GBA2: variants seen among roughly 807,000 people sequenced by gnomAD.
The protein encoded by GBA2 is glucosylceramidase beta 2, also known as non-lysosomal glucosylceramidase.
GBA2 carries 79 observed loss-of-function variants against 112.9 expected under a neutral mutation model. That is an observed-to-expected ratio of 0.70 (90% confidence interval 0.58 to 0.84). The LOEUF (loss-of-function observed/expected upper bound fraction) is 0.84, where lower values mean the gene tolerates loss of function less well. Ranked by LOEUF, GBA2 falls within the 40% of genes least tolerant of loss-of-function variation. GBA2 has a pLI of 0.00. For missense variants in GBA2, 1,043 were observed against 1,190.0 expected (o/e 0.88, Z 1.82); for synonymous variants, 403 against 434.3 (o/e 0.93, Z 0.90).
Position 35,740,338 on chromosome 9 carries a change from C to T in GBA2, c.1154G>A (p.Gly385Glu). ...ACACACAGCTCCAGCAATGCCTACT[C>T]CTTTCTGCGTAGGGGTGCTTTGGCC... is the stretch of plus-strand genomic sequence containing the variant. Reference protein sequence around the residue: ...PTGQSTPTQKGVGIAGAVCVS... With the variant: ...PTGQSTPTQKEVGIAGAVCVS... Residue 385 changes from glycine (G) to glutamate (E), a missense_variant, in exon 7 of 17, where the codon GGA becomes GAA. By Grantham distance (98) the Gly-to-Glu change is moderately conservative. Coordinates refer to ENST00000378103, the MANE Select transcript of GBA2 (RefSeq NM_020944.3). The surrounding 1 kb of genome is among the most constrained non-coding windows in gnomAD (Gnocchi z 4.7). The T allele has an allele frequency of 1.9e-6, 3 of 1,613,672 alleles. No homozygotes were observed. Among genetic ancestry groups the T allele is most frequent in the Non-Finnish European group, 1.7e-6 (2 of 1,179,990 alleles).
chr9:35,741,925 C>G lies in GBA2; in HGVS notation c.568-35G>C, dbSNP rs768518967. 7.2e-7 allele frequency: 1 copy of G among 1,381,936 alleles called. No homozygotes were observed. The highest frequency in any genetic ancestry group is 1.2e-5 in the South Asian group (1 of 86,036). 85.6% of individuals were successfully genotyped at this position (1,381,936 alleles called of 1,614,324 possible). The stretch of plus-strand genomic sequence containing the variant: ...GCAGATAGGCTGGAACGGGGTAAAC[C>G]ACAGGGACCACAGACTAAGTCTTCC... On this transcript the variant is annotated intron_variant, in intron 3 of 16. Coordinates refer to ENST00000378103, the MANE Select transcript of GBA2 (RefSeq NM_020944.3). This position sits in a 1 kb window ranked among gnomAD's most constrained non-coding sequence, Gnocchi z 4.6.
chr9:35,748,336 G>A lies in GBA2; in HGVS notation c.359+10C>T, dbSNP rs1827098916. The A allele has an allele frequency of 6.6e-7, 1 of 1,518,424 alleles. No individual in the cohort carries two copies. The highest frequency in any genetic ancestry group is 1.4e-5 in the African/African-American group (1 of 72,520). The allele number at this position is 1,518,424 out of a possible 1,614,324, so 94.1% of individuals were successfully genotyped here. A position where few individuals can be genotyped will look rare whatever the true frequency, so the allele number is the denominator to read the frequency against. ...AGCCAAAGGCATTCTAGGCAATGGG[G>A]TCTACTCACCTCAAGCCCATGCCTA... is the stretch of plus-strand genomic sequence containing the variant. On this transcript the variant is annotated intron_variant, in intron 1 of 16. Coordinates refer to ENST00000378103, the MANE Select transcript of GBA2 (RefSeq NM_020944.3).
rs747345187 is a variant in GBA2 at position 35,740,013 on chromosome 9, G to A, written c.1394C>T (p.Pro465Leu). Reference protein sequence around the residue: ...WEERISAWQSPVLDDRSLPAW... With the variant: ...WEERISAWQSLVLDDRSLPAW... ...CCACTGGCACCTGTCATCCAATACC[G>A]GGCTCTGCCAAGCTGAGATCCTCTC... The change falls in exon 8 of 17, where the codon CCG (proline) becomes CTG (leucine). Residue 465 changes from proline to leucine, a missense_variant. By Grantham distance (98) the Pro-to-Leu change is moderately conservative (BLOSUM62 -3). Transcript: ENST00000378103. This position sits in a 1 kb window ranked among gnomAD's most constrained non-coding sequence, Gnocchi z 4.7. 1.5e-5 allele frequency: 25 copies of A among 1,613,884 alleles called. No individual in the cohort carries two copies. Among genetic ancestry groups the A allele is most frequent in the South Asian group, 5.5e-5 (5 of 91,080 alleles).
chr9:35,748,714 G>A lies in GBA2; in HGVS notation c.-10C>T. The A allele has an allele frequency of 6.7e-7, 1 of 1,503,716 alleles. No homozygotes were observed. The highest frequency in any genetic ancestry group is 9.0e-7 in the Non-Finnish European group (1 of 1,110,434). 93.1% of individuals were successfully genotyped at this position (1,503,716 alleles called of 1,614,324 possible). A position where few individuals can be genotyped will look rare whatever the true frequency, so the allele number is the denominator to read the frequency against. ...GATCCTGGGTCCCCATGACCTCGAT[G>A]GCGCCAAGTCCCGAGCCCTCGGATA... On this transcript the variant is annotated 5_prime_UTR_variant, in exon 1 of 17. Coordinates refer to ENST00000378103, the MANE Select transcript of GBA2 (RefSeq NM_020944.3).
intron 3 of GBA2, 199 bp from the exon 4 acceptor site, chr9:35,742,089 C>T (rs942106030): frequency 8.1e-6 from 5 of 615,484 alleles, no homozygotes; most frequent in Non-Finnish European, 1.5e-5. Context: ...GCTTTCTCTC[C>T]CTTCTCCACT....
rs1284210196 is a variant in GBA2 at position 35,740,407 on chromosome 9, C to G, written c.1130-45G>C. ...ATTCAGGACAGGAGCCCCTTCAGCC[C>G]CAGGGATAGGGATCCCTAACATGGA... is the stretch of plus-strand genomic sequence containing the variant. On this transcript the variant is annotated intron_variant, in intron 6 of 16. Transcript: ENST00000378103. The surrounding 1 kb of genome is among the most constrained non-coding windows in gnomAD (Gnocchi z 4.7). The G allele has an allele frequency of 6.2e-7, 1 of 1,604,384 alleles. No homozygotes were observed. The highest frequency in any genetic ancestry group is 1.1e-5 in the South Asian group (1 of 90,616).
chr9:35,737,289 T>C lies in GBA2; in HGVS notation c.2664A>G (p.Leu888=), dbSNP rs1826261780. ...MRPLSIWAMQ[L]ALQQQQHKKA... The stretch of plus-strand genomic sequence containing the variant: ...TTTTGTGCTGCTGCTGTTGCAGGGC[T>C]AGCTGCATGGCCCATATGCTCAGTG... Residue 888 remains leucine, a synonymous_variant, in exon 17 of 17, where the codon CTA becomes CTG. Transcript: ENST00000378103. This position sits in a 1 kb window ranked among gnomAD's most constrained non-coding sequence, Gnocchi z 4.1. 1 of 1,613,898 alleles carries C rather than the reference T, an allele frequency of 6.2e-7. No homozygotes were observed. Among genetic ancestry groups the C allele is most frequent in the African/African-American group, 1.3e-5 (1 of 74,952 alleles).
In GBA2 at chr9:35,738,304, G is replaced by A. The variant is rs1199145364; in HGVS notation, c.2125C>T (p.Gln709Ter). The change falls in exon 14 of 17, where the codon CAG (glutamine) becomes TAG (stop). Residue 709 changes from glutamine to a stop codon, truncating the protein, a stop_gained. Coordinates refer to ENST00000378103, the MANE Select transcript of GBA2 (RefSeq NM_020944.3). LOFTEE classifies it high-confidence loss of function. ...GAAGAAAACTTATCCTGGATGTCCT[G>A]TGCCCCACACAGAGCAGCCATCTGG... ...MVQMAALCGA[Q>*]DIQDKFSSIL... is the part of the protein sequence containing the mutation. The A allele has an allele frequency of 1.9e-6, 3 of 1,614,090 alleles. No homozygotes were observed. Among genetic ancestry groups the A allele is most frequent in the Admixed American group, 1.7e-5 (1 of 60,022 alleles).
rs755182103 is a variant in GBA2, at chr9:35,738,856, C to A, written c.1843G>T (p.Ala615Ser). The change falls in exon 12 of 17, where the codon GCT (alanine) becomes TCT (serine). Residue 615 changes from alanine (A) to serine (S), a missense_variant. Coordinates refer to ENST00000378103, the MANE Select transcript of GBA2 (RefSeq NM_020944.3). ...TTCAGGTTCAGGTCCTTCCAATCAG[C>A]AGTATCATGGATTAAATATGCATTG... ...RVNAYLIHDT[A>S]DWKDLNLKFV... 4.3e-6 allele frequency: 7 copies of A among 1,613,818 alleles called. No homozygotes were observed. The South Asian group carries it at 6.6e-5, about 15-fold the overall frequency.
Position 35,738,144 on chromosome 9 carries a change from A to G in GBA2, c.2206T>C (p.Tyr736His). Residue 736 changes from tyrosine (Y) to histidine (H), a missense_variant, in exon 15 of 17, where the codon TAC becomes CAC. Transcript: ENST00000378103. Reference sequence around the variant, plus strand: ...GGCCGAGAGCTGCTGTCATAGTTGTAATAGCGGCCTGGAGTCGAGGAAGAG... The same window carrying G: ...GGCCGAGAGCTGCTGTCATAGTTGTGATAGCGGCCTGGAGTCGAGGAAGAG... ...YERLLWNGRY[Y>H]NYDSSSRPQS... 3 of 1,613,796 alleles carry G rather than the reference A, an allele frequency of 1.9e-6. No individual in the cohort carries two copies. The highest frequency in any genetic ancestry group is 2.5e-6 in the Non-Finnish European group (3 of 1,179,662).
Position 35,741,735 on chromosome 9 carries a change from A to C in GBA2, c.723T>G (p.Leu241=). 3 of 1,614,064 alleles carry C rather than the reference A, an allele frequency of 1.9e-6. No homozygotes were observed. Among genetic ancestry groups the C allele is most frequent in the Middle Eastern group, 1.6e-4 (1 of 6,062 alleles). ...AGGTGAGGGTGACATTCTGGCCAGG[A>C]AGCTGATAGACAGTCCAGGCTCGGG... ...LYPRAWTVYQ[L]PGQNVTLTCR... The change falls in exon 4 of 17, where the codon CTT becomes CTG. Residue 241 remains leucine (L), a synonymous_variant. Coordinates refer to ENST00000378103, the MANE Select transcript of GBA2 (RefSeq NM_020944.3). The surrounding 1 kb of genome is among the most constrained non-coding windows in gnomAD (Gnocchi z 4.6).
chr9:35,737,510 G>A lies in GBA2; in HGVS notation c.2506-63C>T, dbSNP rs953671726. The A allele has an allele frequency of 6.3e-7, 1 of 1,580,102 alleles. No individual in the cohort carries two copies. The highest frequency in any genetic ancestry group is 1.4e-5 in the African/African-American group (1 of 73,886). On this transcript the variant is annotated intron_variant, in intron 16 of 16. Coordinates refer to ENST00000378103, the MANE Select transcript of GBA2 (RefSeq NM_020944.3). The surrounding 1 kb of genome is among the most constrained non-coding windows in gnomAD (Gnocchi z 4.1). ...CACCCTCTGAAGAGCCACTTCCACTGGATAGATGGAGGCAGTAGAGTCTTT... is the reference window on the plus strand; with the variant it reads ...CACCCTCTGAAGAGCCACTTCCACTAGATAGATGGAGGCAGTAGAGTCTTT...
rs767740677 is a variant in GBA2, at chr9:35,738,990, G to C, written c.1795+12C>G. 2 of 1,608,280 alleles carry C rather than the reference G, an allele frequency of 1.2e-6. No individual in the cohort carries two copies. Among genetic ancestry groups the C allele is most frequent in the Non-Finnish European group, 1.7e-6 (2 of 1,174,984 alleles). On this transcript the variant is annotated intron_variant, in intron 11 of 16. Transcript: ENST00000378103. ...TTGAGGGAGGGAAGCTGACCTTGGG[G>C]TGGACTTTTACCTGGGTCCCCAATA...
rs765178460 is a variant in GBA2 at position 35,748,352 on chromosome 9, C to T, written c.353G>A (p.Gly118Asp). The T allele has an allele frequency of 6.3e-7, 1 of 1,599,756 alleles. No homozygotes were observed. The highest frequency in any genetic ancestry group is 8.6e-7 in the Non-Finnish European group (1 of 1,168,292). ...LSNMIKHIGMGLRYLQWWYRK... is the reference protein window; with the variant it reads ...LSNMIKHIGMDLRYLQWWYRK... ...GGCAATGGGGTCTACTCACCTCAAG[C>T]CCATGCCTATATGCTTTATCATGTT... Residue 118 changes from glycine (G) to aspartate (D), a missense_variant, in exon 1 of 17, where the codon GGC (glycine) becomes GAC (aspartate). Transcript: ENST00000378103.
rs571650716 is a variant in GBA2, at chr9:35,740,515, C to T, written c.1129+11G>A. 2.6e-4 allele frequency: 422 copies of T among 1,593,320 alleles called. 7 individuals are homozygous for T. The South Asian group carries it at 4.4e-3, about 17-fold the overall frequency. On this transcript the variant is annotated intron_variant, in intron 6 of 16. Transcript: ENST00000378103. The surrounding 1 kb of genome is among the most constrained non-coding windows in gnomAD (Gnocchi z 4.7). ...CTCTTCCCACCATCTCCCAGTCAGA[C>T]CCCCCATCACCAGTGGGAGAGTCCA...
In GBA2 at chr9:35,741,770, C is replaced by T. The variant is rs1736821548; in HGVS notation, c.688G>A (p.Ala230Thr). The T allele has an allele frequency of 6.2e-7, 1 of 1,613,942 alleles. No homozygotes were observed. Among genetic ancestry groups the T allele is most frequent in the African/African-American group, 1.3e-5 (1 of 75,006 alleles). Residue 230 changes from alanine (A) to threonine (T), a missense_variant, in exon 4 of 17, where the codon GCC (alanine) becomes ACC (threonine). Coordinates refer to ENST00000378103, the MANE Select transcript of GBA2 (RefSeq NM_020944.3). The surrounding 1 kb of genome is among the most constrained non-coding windows in gnomAD (Gnocchi z 4.6). ...ACAGTCCAGGCTCGGGGATAGAGGGCATGGTAGAAAGCAAAGTACCCACAC... is the reference window on the plus strand; with the variant it reads ...ACAGTCCAGGCTCGGGGATAGAGGGTATGGTAGAAAGCAAAGTACCCACAC... ...GLCGYFAFYH[A>T]LYPRAWTVYQ...
rs1158104236 is a variant in GBA2 at position 35,744,598 on chromosome 9, G to A, written c.451+17C>T. ...CTAGGCCTTCTCTGAGCAGAGCAGA[G>A]ATGGGGTGGGGCTCACCATAAATCT... On this transcript the variant is annotated intron_variant, in intron 2 of 16. Transcript: ENST00000378103. 1 of 1,495,440 alleles carries A rather than the reference G, an allele frequency of 6.7e-7. No individual in the cohort carries two copies. The allele number at this position is 1,495,440 out of a possible 1,614,324, so 92.6% of individuals were successfully genotyped here.
Position 35,744,051 on chromosome 9 carries a change from G to A in GBA2, c.567+246C>T, listed in dbSNP as rs570401499. Among the ~76,000 whole-genome samples the A allele has an allele frequency of 7.2e-5, 11 of 152,254 alleles. No individual in the cohort carries two copies. In the South Asian group the frequency reaches 2.3e-3, roughly 32 times the overall value. On this transcript the variant is annotated intron_variant, in intron 3 of 16. Coordinates refer to ENST00000378103, the MANE Select transcript of GBA2 (RefSeq NM_020944.3). The stretch of plus-strand genomic sequence containing the variant: ...CAGCTAGTTGGGTTGGGGCAGTGAG[G>A]TAGACAGGAGGCATTTACTAGAGAA...
chr9:35,740,352 G>T lies in GBA2; in HGVS notation c.1140C>A (p.Thr380=). Residue 380 remains threonine (T), a synonymous_variant, in exon 7 of 17, where the codon ACC becomes ACA. Transcript: ENST00000378103. The surrounding 1 kb of genome is among the most constrained non-coding windows in gnomAD (Gnocchi z 4.7). ...CAATGCCTACTCCTTTCTGCGTAGGGGTGCTTTGGCCTGAGAGAAACACAA... is the reference window on the plus strand; with the variant it reads ...CAATGCCTACTCCTTTCTGCGTAGGTGTGCTTTGGCCTGAGAGAAACACAA... The part of the protein sequence containing the change: ...GQLDSPTGQS[T]PTQKGVGIAG... 6.2e-7 allele frequency: 1 copy of T among 1,613,004 alleles called. No individual in the cohort carries two copies. Among genetic ancestry groups the T allele is most frequent in the Non-Finnish European group, 8.5e-7 (1 of 1,179,902 alleles).
Sources: gnomAD v4.1 joint callset for allele counts (sites outside exome capture counted in the v4.1 genomes callset) on GRCh38, gnomAD v4.1.1 for gene constraint, Gnocchi (gnomAD v3.1) non-coding constraint, MANE v1.5 for transcripts, NCBI Gene and HGNC (gene_info 2026-07-23, HGNC 2026-07-21) for gene names.